The following PHACTR1 variants were observed in gnomAD, a reference collection of about 807,000 sequenced individuals.
PHACTR1 encodes phosphatase and actin regulator 1, also known as RPEL repeat containing 1.
In PHACTR1, 16 loss-of-function variants were observed where a neutral mutation model predicts 69.2. That is an observed-to-expected ratio of 0.23 (90% CI 0.16 to 0.35). The LOEUF is 0.35. PHACTR1 is among the 10% of genes least tolerant of loss of function. PHACTR1 has a pLI of 1.00. For synonymous variants in PHACTR1, 312 were observed against 284.5 expected, an observed-to-expected ratio of 1.10 and a Z score of -0.97; for missense variants, 510 against 734.7, an observed-to-expected ratio of 0.69 and a Z score of 3.54.
chr6:13,190,198 A>ATTTTTTTTTTT (rs1215055032), intron 7 of PHACTR1, among the ~76,000 whole-genome samples: 4,925 of 87,026 alleles, frequency 0.057, 878 homozygotes, highest in African/African-American at 0.15. Flanking sequence ...TAATTTTTGT[A>ATTTTTTTTTTT]TTTTTTTTTT....
At chr6:12,961,300 T>C (rs1266338884) in intron 4 of PHACTR1, among the ~76,000 whole-genome samples, 1 of 151,942 alleles carries the variant, frequency 6.6e-6, no homozygotes. Context: ...TCAAAAACAA[T>C]TGAGATGGAA....
At chr6:13,225,786 A>G (rs1254994903) in intron 8 of PHACTR1, among the ~76,000 whole-genome samples, 2 of 152,208 alleles carry the variant, frequency 1.3e-5, no homozygotes, top group Non-Finnish European at 2.9e-5. Flanking sequence ...TAATTAACCA[A>G]AAAGTGGAGA....
chr6:12,973,858 A>G (rs576383557), intron 4 of PHACTR1, among the ~76,000 whole-genome samples: 1 of 151,794 alleles, frequency 6.6e-6, no homozygotes, highest in Non-Finnish European at 1.5e-5. Context: ...AGAACTAACC[A>G]TCTTTAAACA....
At chr6:13,220,027 A>G (rs1194625831) in intron 8 of PHACTR1, among the ~76,000 whole-genome samples, 1 of 152,168 alleles carries the variant, frequency 6.6e-6, no homozygotes, top group Admixed American at 6.5e-5. Context: ...CAAGATAATA[A>G]CAATACCCTT....
intron 10 of PHACTR1, among the ~76,000 whole-genome samples, chr6:13,253,395 G>A (rs949725334): frequency 2.6e-5 from 4 of 152,142 alleles, no homozygotes; most frequent in African/African-American, 9.7e-5. Flanking sequence ...TAGAACCATG[G>A]TACTTTGTGA....
In PHACTR1 at chr6:12,880,603, C is replaced by G. The variant is rs556314942; in HGVS notation, c.250+130813C>G. Among the ~76,000 whole-genome samples, 2 of 151,920 alleles carry G rather than the reference C, an allele frequency of 1.3e-5. 1 individual carries two copies. On this transcript the variant is annotated intron_variant, in intron 4 of 14. Transcript: ENST00000332995. ...CATTCTGTGCTGTAATACAGGTGTA[C>G]CCACAAAGAGTTCATAGTCGTATAA...
chr6:13,187,675 G>A (rs929074946), intron 7 of PHACTR1, among the ~76,000 whole-genome samples: 1 of 152,192 alleles, frequency 6.6e-6, no homozygotes, highest in Admixed American at 6.5e-5. Flanking sequence ...TATCAGAGAA[G>A]CCACCACCAA....
At chr6:13,267,577 G>T (rs777580320) in intron 10 of PHACTR1, 1 of 151,670 alleles carries the variant, frequency 6.6e-6, no homozygotes, top group Non-Finnish European at 1.5e-5. Context: ...CGCCCAACTT[G>T]CTTGTTGTTT....
intron 8 of PHACTR1, among the ~76,000 whole-genome samples, chr6:13,211,551 G>A (rs1766847748): frequency 6.6e-6 from 1 of 152,132 alleles, no homozygotes; most frequent in South Asian, 2.1e-4. Flanking sequence ...ATTCTTAATG[G>A]AATGCACTTT....
intron 5 of PHACTR1, among the ~76,000 whole-genome samples, chr6:13,156,255 A>G (rs1016630578): frequency 6.6e-6 from 1 of 152,230 alleles, no homozygotes; most frequent in South Asian, 2.1e-4. Context: ...TAATCTGTGC[A>G]TTCGCTGTGG....
At chr6:13,098,657 G>A (rs928898076) in intron 5 of PHACTR1, among the ~76,000 whole-genome samples, 2 of 152,076 alleles carry the variant, frequency 1.3e-5, no homozygotes, top group African/African-American at 4.8e-5. Context: ...TCCGTAAATG[G>A]CCTGACATCC....
At chr6:13,192,746 A>G (rs912456140) in intron 7 of PHACTR1, among the ~76,000 whole-genome samples, 1 of 152,204 alleles carries the variant, frequency 6.6e-6, no homozygotes, top group Non-Finnish European at 1.5e-5. Context: ...TAAACATCCC[A>G]GGGGTAAGTT....
At chr6:13,030,362 C>T (rs6907651) in intron 4 of PHACTR1, among the ~76,000 whole-genome samples, 117,285 of 152,112 alleles carry the variant, frequency 0.77, 45,369 homozygotes, top group East Asian at 0.88. Context: ...TCACTTAGCA[C>T]TCAATATATT....
At chr6:12,782,033 G>A (rs964848500) in intron 4 of PHACTR1, among the ~76,000 whole-genome samples, 1 of 152,158 alleles carries the variant, frequency 6.6e-6, no homozygotes, top group African/African-American at 2.4e-5. Flanking sequence ...CTGGGCTCTG[G>A]CCTCTGCTCT....
chr6:12,936,831 A>C lies in PHACTR1; in HGVS notation c.251-116534A>C, dbSNP rs147385541. On this transcript the variant is annotated intron_variant, in intron 4 of 14. Coordinates refer to ENST00000332995, the MANE Select transcript of PHACTR1 (RefSeq NM_030948.6). ...AGTTGTGGTAAGTCTTGAGTAACCC[A>C]AAACAGAACAAATTGGCTGCAGTTT... 2.4e-4 allele frequency among the ~76,000 whole-genome samples: 36 copies of C among 152,338 alleles called. No homozygotes were observed. In the East Asian group the frequency reaches 6.6e-3, roughly 28 times the overall value.
chr6:12,740,934 T>TC (rs1469063228), intron 3 of PHACTR1, among the ~76,000 whole-genome samples: 1 of 152,026 alleles, frequency 6.6e-6, no homozygotes, highest in Non-Finnish European at 1.5e-5. Context: ...TAATCATTGA[T>TC]TTTTTTCTTT....
chr6:13,231,048 G>A (rs1438783496), intron 10 of PHACTR1, among the ~76,000 whole-genome samples: 3 of 1,322 alleles, frequency 2.3e-3, no homozygotes, highest in Non-Finnish European at 5.5e-3. Context: ...AGAGAGAAAG[G>A]AAGGAAGGAA....
chr6:12,897,248 G>A (rs1018917819), intron 4 of PHACTR1, among the ~76,000 whole-genome samples: 1 of 152,126 alleles, frequency 6.6e-6, no homozygotes, highest in Non-Finnish European at 1.5e-5. Flanking sequence ...ATCTCCATGT[G>A]AGGAGGAGAT....
intron 5 of PHACTR1, among the ~76,000 whole-genome samples, chr6:13,146,215 A>G (rs1823327557): frequency 6.6e-6 from 1 of 152,240 alleles, no homozygotes; most frequent in Non-Finnish European, 1.5e-5. Context: ...TGTGGAAAGC[A>G]CAGAGTGCAT....
Sources: gnomAD v4.1 joint callset for allele counts (sites outside exome capture counted in the v4.1 genomes callset) on GRCh38, gnomAD v4.1.1 for gene constraint, MANE v1.5 for transcripts, NCBI Gene and HGNC (gene_info 2026-07-23, HGNC 2026-07-21) for gene names.